GNG12: variants seen among roughly 807,000 people sequenced by gnomAD.
The protein encoded by GNG12 is G protein subunit gamma 12.
For missense variants in GNG12, 69 were observed against 83.8 expected (o/e 0.82, Z 0.69); for synonymous variants, 28 against 29.7 (o/e 0.94, Z 0.19).
intron 2 of GNG12, among the ~76,000 whole-genome samples, chr1:67,768,561 C>T (rs1646654722): frequency 6.6e-6 from 1 of 152,092 alleles, no homozygotes; most frequent in Non-Finnish European, 1.5e-5. Context: ...AATGTAATAG[C>T]TACCATTTAT....
At chr1:67,759,799 A>ACT (rs10666835) in intron 2 of GNG12, among the ~76,000 whole-genome samples, 42,981 of 151,742 alleles carry the variant, frequency 0.28, 8,906 homozygotes, top group African/African-American at 0.59. Flanking sequence ...AACAATGCTC[A>ACT]CTCACTTCCC....
intron 1 of GNG12, among the ~76,000 whole-genome samples, chr1:67,800,815 A>C (rs1301045371): frequency 1.3e-5 from 2 of 151,834 alleles, no homozygotes; most frequent in African/African-American, 4.8e-5. Context: ...ATAATATCTT[A>C]ATATGATTTT....
At chr1:67,781,492 C>G (rs1228449538) in intron 1 of GNG12, among the ~76,000 whole-genome samples, 1 of 152,094 alleles carries the variant, frequency 6.6e-6, no homozygotes, top group Admixed American at 6.5e-5. Flanking sequence ...TCGGGGACAG[C>G]AAACAAACAC....
chr1:67,704,259 C>T lies in GNG12; in HGVS notation c.*1192G>A, dbSNP rs554659330. 2 of 152,260 alleles carry T rather than the reference C, an allele frequency of 1.3e-5. No homozygotes were observed. The highest frequency in any genetic ancestry group is 3.9e-4 in the East Asian group (2 of 5,180). 9.4% of individuals were successfully genotyped at this position (152,260 alleles called of 1,614,324 possible). A position where few individuals can be genotyped will look rare whatever the true frequency, so the allele number is the denominator to read the frequency against. On this transcript the variant is annotated 3_prime_UTR_variant, in exon 4 of 4. Transcript: ENST00000370982. ...ATGTGCCTCTTGGATGGTATGTGAACAAGGTAGGGATGAAACTGCAGATGT... is the reference window on the plus strand; with the variant it reads ...ATGTGCCTCTTGGATGGTATGTGAATAAGGTAGGGATGAAACTGCAGATGT...
At chr1:67,813,351 A>G (rs1334384523) in intron 1 of GNG12, among the ~76,000 whole-genome samples, 4 of 152,188 alleles carry the variant, frequency 2.6e-5, no homozygotes, top group African/African-American at 9.7e-5. Flanking sequence ...CTACATGATA[A>G]ATCTGGTGCA....
At chr1:67,753,333 A>G (rs1646549546) in intron 2 of GNG12, among the ~76,000 whole-genome samples, 1 of 148,856 alleles carries the variant, frequency 6.7e-6, no homozygotes. Flanking sequence ...TAAGTATATA[A>G]TGTAAATATT....
At chr1:67,730,906 T>C (rs1223257609) in intron 2 of GNG12, among the ~76,000 whole-genome samples, 1 of 152,138 alleles carries the variant, frequency 6.6e-6, no homozygotes, top group Non-Finnish European at 1.5e-5. Context: ...CCCTAAGGGG[T>C]CCAGATATTC....
intron 2 of GNG12, among the ~76,000 whole-genome samples, chr1:67,718,574 CT>C (rs1350455277): frequency 2.6e-5 from 4 of 152,112 alleles, no homozygotes; most frequent in African/African-American, 4.8e-5. Flanking sequence ...AAATTCTCCA[CT>C]TTGACAACCC....
At chr1:67,784,744 AC>A (rs1230714583) in intron 1 of GNG12, among the ~76,000 whole-genome samples, 1 of 152,236 alleles carries the variant, frequency 6.6e-6, no homozygotes, top group Non-Finnish European at 1.5e-5. Context: ...CCCAAAACTT[AC>A]GCAATTTTAA....
At chr1:67,792,043 C>T (rs1371920881) in intron 1 of GNG12, among the ~76,000 whole-genome samples, 1 of 152,144 alleles carries the variant, frequency 6.6e-6, no homozygotes, top group African/African-American at 2.4e-5. Context: ...ATCTCACTGC[C>T]TCACTTCTTT....
At chr1:67,778,946 G>A (rs949322711) in intron 1 of GNG12, among the ~76,000 whole-genome samples, 2 of 152,148 alleles carry the variant, frequency 1.3e-5, no homozygotes, top group East Asian at 1.9e-4. Context: ...TTTGGGATCC[G>A]AGCACAAAAA....
At chr1:67,769,882 G>A (rs1284199385) in intron 2 of GNG12, among the ~76,000 whole-genome samples, 16 of 152,110 alleles carry the variant, frequency 1.1e-4, no homozygotes, top group Non-Finnish European at 2.1e-4. Context: ...GAGAAAGAAC[G>A]TCACAGGAAG....
intron 2 of GNG12, among the ~76,000 whole-genome samples, chr1:67,773,489 A>G (rs967107163): frequency 6.6e-6 from 1 of 152,174 alleles, no homozygotes; most frequent in African/African-American, 2.4e-5. Flanking sequence ...GCTACCATCA[A>G]ATACTTGGAG....
Position 67,764,836 on chromosome 1 carries a change from G to C in GNG12, c.-27+12622C>G, listed in dbSNP as rs1557609573. On this transcript the variant is annotated intron_variant, in intron 2 of 3. Transcript: ENST00000370982. ...GTCTAGCAGAAACTGCAGCTCCCCA[G>C]GGCTCACTATCACCTCTGGACTTTG... Among the ~76,000 whole-genome samples the C allele has an allele frequency of 2.0e-5, 3 of 152,296 alleles. No homozygotes were observed. In the South Asian group the frequency reaches 6.2e-4, roughly 32 times the overall value.
intron 1 of GNG12, among the ~76,000 whole-genome samples, chr1:67,823,964 G>C (rs549490897): frequency 1.3e-5 from 2 of 152,342 alleles, no homozygotes; most frequent in Admixed American, 6.5e-5. Context: ...TATTCTGTGT[G>C]TGTGTGAGAA....
chr1:67,737,770 G>A (rs963139702), intron 2 of GNG12, among the ~76,000 whole-genome samples: 1 of 152,010 alleles, frequency 6.6e-6, no homozygotes, highest in Non-Finnish European at 1.5e-5. Context: ...AACAAGAGTG[G>A]TGCCATTACA....
At chr1:67,811,423 G>A (rs1273624096) in intron 1 of GNG12, among the ~76,000 whole-genome samples, 2 of 152,116 alleles carry the variant, frequency 1.3e-5, no homozygotes, top group Non-Finnish European at 2.9e-5. Context: ...ACAACACTAA[G>A]CGATTCAACC....
intron 2 of GNG12, among the ~76,000 whole-genome samples, chr1:67,738,251 A>G (rs1646463403): frequency 6.6e-6 from 1 of 152,228 alleles, no homozygotes. Flanking sequence ...CTAAGAAACT[A>G]CATACCAGAT....
At chr1:67,753,166 G>A (rs1336342196) in intron 2 of GNG12, among the ~76,000 whole-genome samples, 1 of 152,144 alleles carries the variant, frequency 6.6e-6, no homozygotes, top group Admixed American at 6.5e-5. Flanking sequence ...TAATTATGTT[G>A]AAAGAATTTT....
Sources: gnomAD v4.1 joint callset for allele counts (sites outside exome capture counted in the v4.1 genomes callset) on GRCh38, gnomAD v4.1.1 for gene constraint, MANE v1.5 for transcripts, NCBI Gene and HGNC (gene_info 2026-07-23, HGNC 2026-07-21) for gene names.